PCDH15: variants seen among roughly 807,000 people sequenced by gnomAD.
PCDH15 encodes the protein protocadherin related 15, also known as protocadherin-15.
Under a neutral mutation model 178.5 loss-of-function variants are expected in PCDH15, and 129 were observed. That is an observed-to-expected ratio of 0.72 (90% CI 0.63 to 0.84). The LOEUF (loss-of-function observed/expected upper bound fraction) is 0.84, where lower values mean the gene tolerates loss of function less well. Among genes scored for constraint, PCDH15 ranks in the 40% least tolerant of loss-of-function variants. The probability of loss-of-function intolerance (pLI) is 0.00; values close to 1 mark genes in which losing one functional copy is unlikely to be tolerated. For synonymous variants in PCDH15, 800 were observed against 732.0 expected (o/e 1.09, Z -1.50); for missense variants, 2,230 against 2,099.9 (o/e 1.06, Z -1.21).
At chr10:55,106,689 A>G (rs915372190) in intron 2 of PCDH15, among the ~76,000 whole-genome samples, 4 of 152,124 alleles carry the variant, frequency 2.6e-5, no homozygotes, top group Non-Finnish European at 5.9e-5. Flanking sequence ...GTGCTGGGAT[A>G]TTACAGGCAT....
chr10:54,676,928 G>A (rs114270437), intron 1 of PCDH15, among the ~76,000 whole-genome samples: 1,587 of 152,292 alleles, frequency 0.01, 25 homozygotes, highest in East Asian at 0.055. Flanking sequence ...ACTCACTAAT[G>A]TGATGCCCAT....
intron 2 of PCDH15, among the ~76,000 whole-genome samples, chr10:55,101,236 G>A (rs1842567844): frequency 6.6e-6 from 1 of 151,864 alleles, no homozygotes; most frequent in Admixed American, 6.6e-5. Flanking sequence ...AAAAATAGCT[G>A]TGCAGGGTGG....
chr10:54,927,359 C>G (rs573832234), intron 2 of PCDH15, among the ~76,000 whole-genome samples: 2 of 152,052 alleles, frequency 1.3e-5, no homozygotes, highest in Admixed American at 1.3e-4. Context: ...TCCAATTATG[C>G]AATCAATTTT....
chr10:54,693,009 C>T (rs2095154663), intron 1 of PCDH15, among the ~76,000 whole-genome samples: 1 of 151,964 alleles, frequency 6.6e-6, no homozygotes, highest in East Asian at 1.9e-4. Flanking sequence ...CACCTATGAC[C>T]TGTCCTCCAA....
intron 26 of PCDH15, among the ~76,000 whole-genome samples, chr10:53,870,505 T>G (rs982102605): frequency 8.5e-5 from 13 of 152,190 alleles, no homozygotes; most frequent in African/African-American, 2.9e-4. Flanking sequence ...AGAGATCTTA[T>G]TTCAGGAGAT....
At chr10:55,364,283 C>G (rs895517582) in intron 2 of PCDH15, among the ~76,000 whole-genome samples, 1 of 152,142 alleles carries the variant, frequency 6.6e-6, no homozygotes, top group Non-Finnish European at 1.5e-5. Flanking sequence ...GGCAGTTCTT[C>G]ATAGCAGTAA....
chr10:54,406,345 A>G (rs1952664853), intron 3 of PCDH15, among the ~76,000 whole-genome samples: 1 of 152,264 alleles, frequency 6.6e-6, no homozygotes, highest in East Asian at 1.9e-4. Flanking sequence ...ATGAATAAAT[A>G]AATAAATAAA....
intron 2 of PCDH15, among the ~76,000 whole-genome samples, chr10:55,056,186 T>C (rs977803523): frequency 1.3e-5 from 2 of 152,100 alleles, no homozygotes; most frequent in Non-Finnish European, 2.9e-5. Flanking sequence ...CTATTAACTT[T>C]CCACTGTAAT....
chr10:54,261,119 TA>T (rs1359552297), intron 8 of PCDH15, among the ~76,000 whole-genome samples: 6 of 152,240 alleles, frequency 3.9e-5, no homozygotes, highest in African/African-American at 1.4e-4. Context: ...TTTGTTAGGA[TA>T]AAAAACTGTT....
intron 2 of PCDH15, among the ~76,000 whole-genome samples, chr10:55,440,749 G>A (rs1254116485): frequency 2.6e-5 from 4 of 152,112 alleles, no homozygotes; most frequent in Non-Finnish European, 4.4e-5. Context: ...TGCTGATAAA[G>A]ACATACCTGA....
At position 55,030,000 on chromosome 10, in the gene PCDH15, A is replaced by G. The variant is rs77577919; in HGVS notation, c.-79-132500T>C. ...GAATAAAAGCTCACACCCTAACTGT[A>G]ATATTATTATCATTTCTTCAATTAT... On this transcript the variant is annotated intron_variant, in intron 2 of 5. Transcript: ENST00000458638. 6.1e-3 allele frequency among the ~76,000 whole-genome samples: 927 copies of G among 152,286 alleles called. 11 individuals carry two copies. The highest frequency in any genetic ancestry group is 0.022 in the African/African-American group (901 of 41,564).
intron 17 of PCDH15, among the ~76,000 whole-genome samples, chr10:54,078,003 C>T (rs1169324858): frequency 1.3e-5 from 2 of 152,090 alleles, no homozygotes; most frequent in African/African-American, 4.8e-5. Context: ...GCTGAGTTTG[C>T]AGTGAGCCGA....
intron 1 of PCDH15, among the ~76,000 whole-genome samples, chr10:55,226,633 C>T (rs1424337475): frequency 1.3e-5 from 2 of 151,960 alleles, no homozygotes; most frequent in Admixed American, 6.6e-5. Context: ...CCGCCCGCCT[C>T]GGCCTCCCAA....
chr10:54,750,831 A>G (rs1175783369), intron 1 of PCDH15, among the ~76,000 whole-genome samples: 1 of 152,130 alleles, frequency 6.6e-6, no homozygotes, highest in East Asian at 1.9e-4. Context: ...CAAATTTACC[A>G]ATATATAAAA....
chr10:54,965,095 T>C (rs1838749072), intron 2 of PCDH15, among the ~76,000 whole-genome samples: 1 of 152,216 alleles, frequency 6.6e-6, no homozygotes, highest in East Asian at 1.9e-4. Flanking sequence ...AATCTAAGCA[T>C]AATCACTGTA....
At chr10:54,223,562 T>TTTTTTTTTTTTTTTTGA (rs1554845758) in intron 9 of PCDH15, among the ~76,000 whole-genome samples, 3 of 146,176 alleles carry the variant, frequency 2.1e-5, no homozygotes, top group Admixed American at 7.0e-5. Flanking sequence ...ATATTATTTT[T>TTTTTTTTTTTTTTTTGA]GAAGTGTTTA....
intron 3 of PCDH15, among the ~76,000 whole-genome samples, chr10:54,807,163 C>T (rs1270583407): frequency 2.6e-5 from 4 of 152,078 alleles, no homozygotes; most frequent in African/African-American, 7.2e-5. Flanking sequence ...TTCAGTTAGA[C>T]AGCAAATTAT....
intron 21 of PCDH15, among the ~76,000 whole-genome samples, chr10:53,976,614 G>A (rs1248766041): frequency 6.6e-6 from 1 of 152,018 alleles, no homozygotes; most frequent in African/African-American, 2.4e-5. Flanking sequence ...ATATGCTTAT[G>A]TGAAATTATG....
At chr10:54,280,552 C>A (rs918508605) in intron 8 of PCDH15, among the ~76,000 whole-genome samples, 2 of 151,714 alleles carry the variant, frequency 1.3e-5, no homozygotes, top group African/African-American at 4.8e-5. Flanking sequence ...ATTTCTTTCT[C>A]TTTGGCTCCT....
Sources: gnomAD v4.1 joint callset for allele counts (sites outside exome capture counted in the v4.1 genomes callset) on GRCh38, gnomAD v4.1.1 for gene constraint, MANE v1.5 for transcripts, NCBI Gene and HGNC (gene_info 2026-07-23, HGNC 2026-07-21) for gene names.